Variants in EQTN observed in about 807,000 individuals in gnomAD.
The protein encoded by EQTN is equatorin.
Under a neutral mutation model 26.9 loss-of-function variants are expected in EQTN, and 29 were observed. The ratio of observed to expected loss-of-function variants is 1.08; its 90% CI spans 0.80 to 1.47. The LOEUF is 1.47. Among genes scored for constraint, EQTN ranks in the 40% most tolerant of loss-of-function variants. The pLI, the probability that EQTN is intolerant of heterozygous loss-of-function variation, is 0.00. For synonymous variants in EQTN, 129 were observed against 120.0 expected (o/e 1.07, Z -0.49); for missense variants, 391 against 346.1 (o/e 1.13, Z -1.03).
chr9:27,289,055 A>G (rs1820174802), intron 6 of EQTN, among the ~76,000 whole-genome samples: 1 of 152,222 alleles, frequency 6.6e-6, no homozygotes, highest in African/African-American at 2.4e-5. Context: ...AATTGTAACA[A>G]AGGTACCACA....
At chr9:27,286,170 T>A in intron 7 of EQTN, 39 bp downstream of exon 7, 3 of 1,595,106 alleles carry the variant, frequency 1.9e-6, no homozygotes, top group Non-Finnish European at 2.6e-6. Flanking sequence ...TGCGATGTCA[T>A]GCATTTGTTG....
rs1007279194 is a variant in EQTN, at chr9:27,292,503, A to C, written c.290-16T>G. The stretch of plus-strand genomic sequence containing the variant: ...ACAGTTTTATCTAGGAAAAGGGAAA[A>C]AGAATTATCAGCATGTAAAAATACT... On this transcript the variant is annotated splice_polypyrimidine_tract_variant and intron_variant, in intron 3 of 7. Coordinates refer to ENST00000380032, the MANE Select transcript of EQTN (RefSeq NM_020641.3). The C allele has an allele frequency of 2.0e-6, 3 of 1,495,508 alleles. No individual in the cohort carries two copies. The highest frequency in any genetic ancestry group is 2.8e-6 in the Non-Finnish European group (3 of 1,082,914). The allele number at this position is 1,495,508 out of a possible 1,614,324, so 92.6% of individuals were successfully genotyped here.
At chr9:27,293,460 G>C (rs1026349046) in intron 3 of EQTN, among the ~76,000 whole-genome samples, 1 of 152,106 alleles carries the variant, frequency 6.6e-6, no homozygotes, top group African/African-American at 2.4e-5. Context: ...CCTCTAGAAC[G>C]TCCCTACCAT....
In EQTN at chr9:27,284,930, C is replaced by A; in HGVS notation, c.678G>T (p.Leu226=). Residue 226 remains leucine (L), a synonymous_variant, in exon 8 of 8, where the codon CTG becomes CTT. Coordinates refer to ENST00000380032, the MANE Select transcript of EQTN (RefSeq NM_020641.3). ...ATGGATGAAAGTAAGACATCGTGGCCAGCTCTGGGTTGACAGAGTACTGAC... is the reference window on the plus strand; with the variant it reads ...ATGGATGAAAGTAAGACATCGTGGCAAGCTCTGGGTTGACAGAGTACTGAC... ...CESQYSVNPE[L]ATMSYFHPSE... is the part of the protein sequence containing the mutation. 1.9e-6 allele frequency: 3 copies of A among 1,613,970 alleles called. No individual in the cohort carries two copies. The highest frequency in any genetic ancestry group is 2.5e-6 in the Non-Finnish European group (3 of 1,179,980).
At chr9:27,286,735 T>G (rs770313201) in intron 6 of EQTN, among the ~76,000 whole-genome samples, 3 of 152,208 alleles carry the variant, frequency 2.0e-5, no homozygotes, top group Non-Finnish European at 2.9e-5. Flanking sequence ...TCTGAAGAGA[T>G]TATTATTCAA....
Position 27,286,362 on chromosome 9 carries a change from T to A in EQTN, c.482A>T (p.Glu161Val). ...TCCCTGTGTAGCATTCACATCAGAC[T>A]CTGAAAAGAAAGAGAATGCAGTGGA... ...DKDQLFHPIP[E>V]SDVNATQGEN... The change falls in exon 7 of 8, where the codon GAG (glutamate) becomes GTG (valine). Residue 161 changes from glutamate (E) to valine (V), a missense_variant and splice_region_variant. Coordinates refer to ENST00000380032, the MANE Select transcript of EQTN (RefSeq NM_020641.3). The A allele has an allele frequency of 6.3e-7, 1 of 1,586,362 alleles. No homozygotes were observed. The highest frequency in any genetic ancestry group is 8.6e-7 in the Non-Finnish European group (1 of 1,164,840).
chr9:27,291,175 C>T, intron 4 of EQTN, 112 bp from the exon 5 acceptor site: 1 of 929,172 alleles, frequency 1.1e-6, no homozygotes. Flanking sequence ...AAACTTTGAG[C>T]TCCTATAATG....
chr9:27,293,366 C>G (rs1258795132), intron 3 of EQTN, among the ~76,000 whole-genome samples: 1 of 152,134 alleles, frequency 6.6e-6, no homozygotes, highest in Non-Finnish European at 1.5e-5. Flanking sequence ...TTCCCCCTTG[C>G]CTTCAGAGTT....
In EQTN at chr9:27,286,294, G is replaced by A; in HGVS notation, c.550C>T (p.Leu184=). Residue 184 remains leucine (L), a synonymous_variant, in exon 7 of 8, where the codon CTG becomes TTG. Coordinates refer to ENST00000380032, the MANE Select transcript of EQTN (RefSeq NM_020641.3). Reference sequence around the variant, plus strand: ...AGGAGGGTCATCAACGAGATTCCCAGCATTATTTTGATCTTCAGATCCTCT... The same window carrying A: ...AGGAGGGTCATCAACGAGATTCCCAACATTATTTTGATCTTCAGATCCTCT... The part of the protein sequence containing the change: ...DLEDLKIKIM[L]GISLMTLLLF... The A allele has an allele frequency of 6.2e-7, 1 of 1,611,466 alleles. No individual in the cohort carries two copies. The highest frequency in any genetic ancestry group is 8.5e-7 in the Non-Finnish European group (1 of 1,178,758).
At chr9:27,286,004 T>C (rs1218507464) in intron 7 of EQTN, among the ~76,000 whole-genome samples, 2 of 152,264 alleles carry the variant, frequency 1.3e-5, no homozygotes, top group Non-Finnish European at 2.9e-5. Context: ...TTTCTATCTC[T>C]GGATGACTAC....
At chr9:27,293,737 G>GT (rs1178776389) in intron 3 of EQTN, among the ~76,000 whole-genome samples, 2 of 152,276 alleles carry the variant, frequency 1.3e-5, no homozygotes, top group East Asian at 3.9e-4. Flanking sequence ...CAAGATTCCC[G>GT]TAAGTGATTT....
Position 27,293,164 on chromosome 9 carries a change from G to A in EQTN, c.290-677C>T, listed in dbSNP as rs76771156. 3.8e-4 allele frequency among the ~76,000 whole-genome samples: 58 copies of A among 152,242 alleles called. No homozygotes were observed. In the East Asian group the frequency reaches 0.011, roughly 28 times the overall value. ...CCCTCTATAGGAGGACTTCTACAGA[G>A]GGGCAGAAAAAATTCACACCAAGCC... On this transcript the variant is annotated intron_variant, in intron 3 of 7. Coordinates refer to ENST00000380032, the MANE Select transcript of EQTN (RefSeq NM_020641.3).
chr9:27,287,016 C>CT (rs913520850), intron 6 of EQTN, among the ~76,000 whole-genome samples: 8 of 152,058 alleles, frequency 5.3e-5, no homozygotes, highest in Non-Finnish European at 8.8e-5. Flanking sequence ...TATCAAGAGT[C>CT]TTTTTTTAAC....
chr9:27,288,037 C>T (rs1008397764), intron 6 of EQTN, among the ~76,000 whole-genome samples: 4 of 152,112 alleles, frequency 2.6e-5, no homozygotes, highest in African/African-American at 9.7e-5. Flanking sequence ...AACTCCTGAC[C>T]TCAGGTGATC....
intron 2 of EQTN, among the ~76,000 whole-genome samples, chr9:27,296,197 G>A (rs1820339479): frequency 6.6e-6 from 1 of 152,146 alleles, no homozygotes; most frequent in Non-Finnish European, 1.5e-5. Context: ...CAGCTACTCG[G>A]AAGGCTGAGG....
At chr9:27,292,894 G>A (rs1820266431) in intron 3 of EQTN, among the ~76,000 whole-genome samples, 1 of 152,168 alleles carries the variant, frequency 6.6e-6, no homozygotes, top group African/African-American at 2.4e-5. Flanking sequence ...AAGGGAGGCT[G>A]AGTATTAAGT....
chr9:27,286,090 T>A, intron 7 of EQTN, 119 bp downstream of exon 7: 1 of 1,010,960 alleles, frequency 9.9e-7, no homozygotes, highest in Non-Finnish European at 1.4e-6. Flanking sequence ...TGGAATCAAT[T>A]TGAATGTCGT....
chr9:27,290,438 G>T (rs1217229822), intron 5 of EQTN, among the ~76,000 whole-genome samples: 1 of 152,152 alleles, frequency 6.6e-6, no homozygotes, highest in East Asian at 1.9e-4. Flanking sequence ...TTAATGAGTA[G>T]GTGATACAGA....
Position 27,292,475 on chromosome 9 carries a change from T to C in EQTN, c.302A>G (p.Asn101Ser), listed in dbSNP as rs890573815. The C allele has an allele frequency of 3.7e-6, 6 of 1,602,672 alleles. No individual in the cohort carries two copies. Among genetic ancestry groups the C allele is most frequent in the South Asian group, 1.1e-5 (1 of 89,194 alleles). ...GGTGGATTTTTCATATGTAGTTGCA[T>C]TGACAGTTTTATCTAGGAAAAGGGA... Reference protein sequence around the residue: ...NFALKNDKTVNATTYEKSTIE... With the variant: ...NFALKNDKTVSATTYEKSTIE... Residue 101 changes from asparagine to serine, a missense_variant, in exon 4 of 8, where the codon AAT (asparagine) becomes AGT (serine). Coordinates refer to ENST00000380032, the MANE Select transcript of EQTN (RefSeq NM_020641.3).
Sources: allele counts gnomAD v4.1 joint callset (sites outside exome capture counted in the v4.1 genomes callset), GRCh38; gene constraint gnomAD v4.1.1; transcripts MANE v1.5; gene names NCBI Gene and HGNC (gene_info 2026-07-23, HGNC 2026-07-21).